Variants in CALN1 observed in about 807,000 individuals in gnomAD.
The protein encoded by CALN1 is calneuron 1, also known as calcium-binding protein 8.
Under a neutral mutation model 30.6 loss-of-function variants are expected in CALN1, and 17 were observed. The ratio of observed to expected loss-of-function variants is 0.56; its 90% CI spans 0.38 to 0.83. The LOEUF (loss-of-function observed/expected upper bound fraction) is 0.83, where lower values mean the gene tolerates loss of function less well. Ranked by LOEUF, CALN1 falls within the 40% of genes least tolerant of loss-of-function variation. CALN1 has a pLI of 0.00. For missense variants in CALN1, 291 were observed against 354.9 expected (o/e 0.82, Z 1.45); for synonymous variants, 156 against 131.4 (o/e 1.19, Z -1.28).
rs200892470 is a variant in CALN1, at chr7:71,922,437, ATATAAT to A, written c.501+101214_501+101219del. The stretch of plus-strand genomic sequence containing the variant: ...AGTCCCCTTCATTTAAAGTGAGTAT[ATATAAT>A]TATATTTATTTATATTTACATATAA... On this transcript the variant is annotated intron_variant, in intron 5 of 6. Transcript: ENST00000395275. 9.3e-3 allele frequency among the ~76,000 whole-genome samples: 1,368 copies of A among 147,474 alleles called. 15 individuals carry two copies. Among genetic ancestry groups the A allele is most frequent in the South Asian group, 0.038 (183 of 4,762 alleles).
intron 5 of CALN1, among the ~76,000 whole-genome samples, chr7:71,973,540 A>C (rs1797954700): frequency 6.6e-6 from 1 of 152,216 alleles, no homozygotes; most frequent in Admixed American, 6.5e-5. Flanking sequence ...GGTAAGCCAG[A>C]AGATACGTAT....
chr7:72,267,636 C>T (rs1796685300), intron 3 of CALN1, among the ~76,000 whole-genome samples: 1 of 152,320 alleles, frequency 6.6e-6, no homozygotes, highest in Admixed American at 6.5e-5. Context: ...ATCCCAGGTC[C>T]AGCAGATGCT....
chr7:72,403,905 C>T (rs908942383), intron 1 of CALN1, among the ~76,000 whole-genome samples: 1 of 152,216 alleles, frequency 6.6e-6, no homozygotes, highest in Non-Finnish European at 1.5e-5. Flanking sequence ...TCTGGCCCAG[C>T]CTCCCAAACT....
chr7:72,085,837 A>G (rs369301035), intron 4 of CALN1, among the ~76,000 whole-genome samples: 2 of 152,334 alleles, frequency 1.3e-5, no homozygotes, highest in East Asian at 3.9e-4. Context: ...GCTGAAGAAA[A>G]CAAAGAAAAA....
the CALN1 span, among the ~76,000 whole-genome samples, chr7:72,464,134 GAGAA>G: frequency 1.3e-5 from 2 of 152,010 alleles, no homozygotes; most frequent in African/African-American, 2.4e-5. Context: ...GGGAGAGAGA[GAGAA>G]AGAAAGAGAG....
rs566951198 is a variant in CALN1 at position 72,391,494 on chromosome 7, A to C, written c.119+11757T>G. Among the ~76,000 whole-genome samples, 5 of 152,202 alleles carry C rather than the reference A, an allele frequency of 3.3e-5. No homozygotes were observed. In the East Asian group the frequency reaches 9.7e-4, roughly 29 times the overall value. On this transcript the variant is annotated intron_variant, in intron 2 of 6. Coordinates refer to ENST00000395275, the MANE Select transcript of CALN1 (RefSeq NM_031468.4). Reference sequence around the variant, plus strand: ...CAGCATGATGAAGAAGAAGTGTGGTAGTTTTAAAATATGGCCCCTGATATA... The same window carrying C: ...CAGCATGATGAAGAAGAAGTGTGGTCGTTTTAAAATATGGCCCCTGATATA...
chr7:72,400,283 C>G, intron 2 of CALN1, among the ~76,000 whole-genome samples: 1 of 152,078 alleles, frequency 6.6e-6, no homozygotes, highest in Non-Finnish European at 1.5e-5. Context: ...CTGGAGTGGA[C>G]AGCAATGAGC....
chr7:72,056,030 T>A (rs1288091237), intron 4 of CALN1, among the ~76,000 whole-genome samples: 1 of 152,080 alleles, frequency 6.6e-6, no homozygotes, highest in Non-Finnish European at 1.5e-5. Context: ...AATTAAAAAA[T>A]AAAAGACATT....
chr7:71,880,030 T>A (rs1057428841), intron 5 of CALN1, among the ~76,000 whole-genome samples: 2 of 152,064 alleles, frequency 1.3e-5, no homozygotes, highest in African/African-American at 4.8e-5. Context: ...CAGCAACTTT[T>A]GGAGGCTGAG....
chr7:72,306,359 T>C (rs1167678414), intron 2 of CALN1, among the ~76,000 whole-genome samples: 1 of 152,154 alleles, frequency 6.6e-6, no homozygotes, highest in Non-Finnish European at 1.5e-5. Context: ...TAGAAAACAT[T>C]TGTCATCTAT....
intron 5 of CALN1, among the ~76,000 whole-genome samples, chr7:71,908,623 T>C (rs1346029012): frequency 6.6e-6 from 1 of 152,152 alleles, no homozygotes; most frequent in East Asian, 1.9e-4. Context: ...CAACGATGCA[T>C]AACTAGCTGT....
intron 2 of CALN1, among the ~76,000 whole-genome samples, chr7:72,391,687 G>C (rs201770805): frequency 2.0e-5 from 3 of 152,076 alleles, no homozygotes; most frequent in Non-Finnish European, 4.4e-5. Flanking sequence ...TTAATAAATG[G>C]GAGTTCCCCT....
chr7:71,973,263 C>T (rs368948075), intron 5 of CALN1, among the ~76,000 whole-genome samples: 22 of 152,050 alleles, frequency 1.4e-4, no homozygotes, highest in Admixed American at 2.6e-4. Context: ...GCAACCTCTG[C>T]CTCCCGGGTT....
At chr7:72,216,405 C>A (rs1792816268) in intron 3 of CALN1, among the ~76,000 whole-genome samples, 1 of 104,868 alleles carries the variant, frequency 9.5e-6, no homozygotes, top group African/African-American at 3.9e-5. Flanking sequence ...ACACAAGACC[C>A]TATGTCTTTA....
chr7:72,344,970 T>C (rs1162987005), intron 2 of CALN1, among the ~76,000 whole-genome samples: 2 of 147,460 alleles, frequency 1.4e-5, no homozygotes, highest in African/African-American at 2.5e-5. Context: ...TTTATATTTA[T>C]ATATAAATAT....
intron 2 of CALN1, chr7:72,336,730 C>A: frequency 1.0e-6 from 1 of 985,368 alleles, no homozygotes. Flanking sequence ...GCTCCGCAGC[C>A]CGGCAGCCGA....
intron 2 of CALN1, among the ~76,000 whole-genome samples, chr7:72,349,504 T>G (rs1354675555): frequency 1.3e-5 from 2 of 152,130 alleles, no homozygotes; most frequent in South Asian, 2.1e-4. Flanking sequence ...AGAAAAATCT[T>G]AAAGTATCCA....
Position 72,285,587 on chromosome 7 carries a change from T to TA in CALN1, c.120-6778dup, listed in dbSNP as rs767115905. Reference sequence around the variant, plus strand: ...GTATCAGTCTACAAATGACCGAAACTAAAAAAAATTAAAACTGGTCCTTCC... The same window carrying TA: ...GTATCAGTCTACAAATGACCGAAACTAAAAAAAAATTAAAACTGGTCCTTCC... On this transcript the variant is annotated intron_variant, in intron 2 of 6. Coordinates refer to ENST00000395275, the MANE Select transcript of CALN1 (RefSeq NM_031468.4). Among the ~76,000 whole-genome samples the TA allele has an allele frequency of 1.5e-3, 224 of 152,122 alleles. 1 individual carries two copies. The highest frequency in any genetic ancestry group is 4.2e-4 in the South Asian group (2 of 4,810).
chr7:71,941,184 TA>T (rs557707634), intron 5 of CALN1, among the ~76,000 whole-genome samples: 1 of 149,738 alleles, frequency 6.7e-6, no homozygotes. Context: ...CCATCTCTAC[TA>T]AAAAAAATAC....
Sources: gnomAD v4.1 joint callset for allele counts (sites outside exome capture counted in the v4.1 genomes callset) on GRCh38, gnomAD v4.1.1 for gene constraint, MANE v1.5 for transcripts, NCBI Gene and HGNC (gene_info 2026-07-23, HGNC 2026-07-21) for gene names.